PKIA: variants seen among roughly 807,000 people sequenced by gnomAD.
The protein encoded by PKIA is PKI-alpha.
PKIA carries 4 observed loss-of-function variants against 7.6 expected under a neutral mutation model. The observed-to-expected ratio is 0.52, with a 90% confidence interval of 0.26 to 1.20. The LOEUF is 1.20. Ranked by LOEUF, PKIA falls within the 50% of genes most tolerant of loss-of-function variation. PKIA has a pLI of 0.13. For missense variants in PKIA, 73 were observed against 86.2 expected (o/e 0.85, Z 0.61); for synonymous variants, 21 against 30.7 (o/e 0.68, Z 1.04).
At chr8:78,534,285 A>C (rs1035425087) in intron 1 of PKIA, 2 of 152,130 alleles carry the variant, frequency 1.3e-5, no homozygotes, top group Non-Finnish European at 2.9e-5. Context: ...TCGGGTTCAA[A>C]GTTCTATCAG....
intron 1 of PKIA, among the ~76,000 whole-genome samples, chr8:78,544,770 ACATT>A (rs1806781543): frequency 6.6e-6 from 1 of 152,198 alleles, no homozygotes; most frequent in Non-Finnish European, 1.5e-5. Flanking sequence ...TTATCTAAAC[ACATT>A]CAGATTCACA....
At chr8:78,574,385 G>A (rs1158997818) in intron 2 of PKIA, among the ~76,000 whole-genome samples, 1 of 151,944 alleles carries the variant, frequency 6.6e-6, no homozygotes, top group Non-Finnish European at 1.5e-5. Context: ...ACAGTTAAGG[G>A]CAATTTCAGA....
intron 2 of PKIA, among the ~76,000 whole-genome samples, chr8:78,595,590 C>G (rs1323985589): frequency 6.6e-6 from 1 of 152,202 alleles, no homozygotes; most frequent in Non-Finnish European, 1.5e-5. Flanking sequence ...CTCCCACCTT[C>G]CATCCTCAAA....
At chr8:78,591,240 A>T (rs992355037) in intron 2 of PKIA, 1 of 152,640 alleles carries the variant, frequency 6.6e-6, no homozygotes, top group African/African-American at 2.4e-5. Context: ...CAACTTCTAG[A>T]ATCCATCGAT....
chr8:78,525,452 C>T (rs889429824), intron 1 of PKIA, among the ~76,000 whole-genome samples: 2 of 151,852 alleles, frequency 1.3e-5, no homozygotes, highest in Non-Finnish European at 2.9e-5. Context: ...AAAATTCAAA[C>T]GTGACACTAA....
intron 2 of PKIA, among the ~76,000 whole-genome samples, chr8:78,585,822 C>T (rs1019703249): frequency 1.3e-5 from 2 of 152,106 alleles, no homozygotes; most frequent in African/African-American, 4.8e-5. Flanking sequence ...TTAATTAATG[C>T]ATTTTCATTC....
intron 1 of PKIA, among the ~76,000 whole-genome samples, chr8:78,544,247 T>G (rs781693625): frequency 2.6e-5 from 4 of 152,214 alleles, no homozygotes; most frequent in Non-Finnish European, 5.9e-5. Context: ...CACTTAACTT[T>G]AAATTCTGTG....
intron 1 of PKIA, among the ~76,000 whole-genome samples, chr8:78,567,584 GTCA>G (rs34090801): frequency 0.16 from 24,587 of 151,766 alleles, 2,689 homozygotes; most frequent in African/African-American, 0.31. Flanking sequence ...TGAGATAGTC[GTCA>G]TCATCAGGTT....
At chr8:78,592,646 G>T (rs1808129245) in intron 2 of PKIA, among the ~76,000 whole-genome samples, 2 of 151,958 alleles carry the variant, frequency 1.3e-5, no homozygotes, top group Non-Finnish European at 2.9e-5. Flanking sequence ...CATTACTTGG[G>T]AGTGCACTAA....
rs1554584766 is a variant in PKIA at position 78,602,713 on chromosome 8, A to ATATATATATATATATATATATATATT, written c.*893_*894insATATATATATATATATATATATATTT. The ATATATATATATATATATATATATATT allele has an allele frequency of 3.3e-4, 49 of 147,914 alleles. No individual in the cohort carries two copies. Among genetic ancestry groups the ATATATATATATATATATATATATATT allele is most frequent in the African/African-American group, 1.2e-3 (48 of 40,000 alleles). The allele number at this position is 147,914 out of a possible 1,614,324, so 9.2% of individuals were successfully genotyped here. A position where few individuals can be genotyped will look rare whatever the true frequency, so the allele number is the denominator to read the frequency against. ...CCACATAATATATATATATATATATATTTTAATTTATGAGAATTTTGGACA... is the reference window on the plus strand; with the variant it reads ...CCACATAATATATATATATATATATATATATATATATATATATATATATATTTTTTAATTTATGAGAATTTTGGACA... On this transcript the variant is annotated 3_prime_UTR_variant, in exon 4 of 4. Transcript: ENST00000396418.
chr8:78,521,833 C>T (rs1038446090), intron 1 of PKIA, among the ~76,000 whole-genome samples: 45 of 151,888 alleles, frequency 3.0e-4, no homozygotes, highest in African/African-American at 1.0e-3. Context: ...TTATCACAAA[C>T]AGAAACTCTA....
At chr8:78,587,884 T>C (rs901613930) in intron 2 of PKIA, among the ~76,000 whole-genome samples, 2 of 152,156 alleles carry the variant, frequency 1.3e-5, no homozygotes, top group Non-Finnish European at 2.9e-5. Context: ...ACACATACTC[T>C]CAGCCTAGTT....
At chr8:78,589,531 A>G (rs1353252344) in intron 2 of PKIA, among the ~76,000 whole-genome samples, 3 of 152,184 alleles carry the variant, frequency 2.0e-5, no homozygotes, top group Non-Finnish European at 4.4e-5. Context: ...AGGAGAAATT[A>G]AGTAATGATG....
At chr8:78,527,740 GAAC>G (rs1266735063) in intron 1 of PKIA, among the ~76,000 whole-genome samples, 28 of 152,040 alleles carry the variant, frequency 1.8e-4, no homozygotes, top group African/African-American at 6.0e-4. Flanking sequence ...AATTATATAA[GAAC>G]AACAATATAG....
At chr8:78,566,994 A>AT (rs1221620610) in intron 1 of PKIA, among the ~76,000 whole-genome samples, 2 of 152,310 alleles carry the variant, frequency 1.3e-5, no homozygotes, top group East Asian at 3.9e-4. Context: ...TTCAACATCA[A>AT]TATCAGTAAG....
intron 2 of PKIA, among the ~76,000 whole-genome samples, chr8:78,582,989 T>C (rs1807854406): frequency 6.6e-6 from 1 of 152,144 alleles, no homozygotes; most frequent in Non-Finnish European, 1.5e-5. Flanking sequence ...AATGAAAAAC[T>C]TCTCTTTAAC....
chr8:78,528,435 G>A (rs1806304391), intron 1 of PKIA, among the ~76,000 whole-genome samples: 1 of 151,980 alleles, frequency 6.6e-6, no homozygotes, highest in Admixed American at 6.6e-5. Context: ...GTTCAAAAAT[G>A]CTTAAAGGCC....
chr8:78,598,049 G>C (rs2130281417), intron 2 of PKIA, among the ~76,000 whole-genome samples: 1 of 148,318 alleles, frequency 6.7e-6, no homozygotes, highest in African/African-American at 2.5e-5. Flanking sequence ...TGTATATTAT[G>C]TAAAAATACA....
intron 1 of PKIA, among the ~76,000 whole-genome samples, chr8:78,571,252 C>T (rs1807540593): frequency 1.3e-5 from 2 of 151,664 alleles, no homozygotes; most frequent in African/African-American, 4.8e-5. Context: ...GTTATCAATG[C>T]ATTAGTACTT....
Sources: gnomAD v4.1 joint callset for allele counts (sites outside exome capture counted in the v4.1 genomes callset) on GRCh38, gnomAD v4.1.1 for gene constraint, MANE v1.5 for transcripts, NCBI Gene and HGNC (gene_info 2026-07-23, HGNC 2026-07-21) for gene names.